Variants in HNRNPM observed in about 807,000 individuals in gnomAD.
HNRNPM encodes CEA receptor.
HNRNPM carries 11 observed loss-of-function variants against 73.1 expected under a neutral mutation model. That is an observed-to-expected ratio of 0.15 (90% CI 0.09 to 0.25). The LOEUF (loss-of-function observed/expected upper bound fraction) is 0.25. Among genes scored for constraint, HNRNPM ranks in the 10% least tolerant of loss-of-function variants. The pLI is 1.00. For missense variants in HNRNPM, 789 were observed against 1,067.9 expected (o/e 0.74, Z 3.64); for synonymous variants, 407 against 355.2 (o/e 1.15, Z -1.64).
chr19:8,481,683 C>A (rs1330732039), intron 12 of HNRNPM: 1 of 152,132 alleles, frequency 6.6e-6, no homozygotes, highest in Non-Finnish European at 1.5e-5. Context: ...TTACTAGAGA[C>A]AGAAACTTAA....
rs748036403 is a variant in HNRNPM, at chr19:8,474,260, T to G, written c.1120+16T>G. On this transcript the variant is annotated intron_variant, in intron 12 of 15. Transcript: ENST00000325495. ...AGGATAAATGGTAAGCATCGTGTTT[T>G]CTTCCTGCTTTCACTCACCCTTTGC... The G allele has an allele frequency of 6.4e-7, 1 of 1,556,732 alleles. No individual in the cohort carries two copies.
At chr19:8,479,982 C>T (rs1431575210) in intron 12 of HNRNPM, among the ~76,000 whole-genome samples, 1 of 145,582 alleles carries the variant, frequency 6.9e-6, no homozygotes, top group Non-Finnish European at 1.5e-5. Flanking sequence ...ACCATCTTGG[C>T]CAGGCTGGTC....
chr19:8,446,565 C>T (rs1406932934), intron 1 of HNRNPM, among the ~76,000 whole-genome samples: 2 of 152,130 alleles, frequency 1.3e-5, no homozygotes, highest in African/African-American at 4.8e-5. Context: ...GCGGCACCAC[C>T]ATGCCCGGCT....
At chr19:8,485,120 C>A (rs1971183024) in intron 13 of HNRNPM, among the ~76,000 whole-genome samples, 1 of 151,868 alleles carries the variant, frequency 6.6e-6, no homozygotes, top group Non-Finnish European at 1.5e-5. Flanking sequence ...AGAGTGGCCC[C>A]CAGCAGAGCA....
At chr19:8,452,714 T>TTTC (rs1380404838) in intron 1 of HNRNPM, among the ~76,000 whole-genome samples, 2 of 152,336 alleles carry the variant, frequency 1.3e-5, no homozygotes, top group Middle Eastern at 3.4e-3. Context: ...AGGAAGCTGC[T>TTTC]TTCCTTGGTT....
chr19:8,460,023 G>A (rs1173988146), intron 2 of HNRNPM, among the ~76,000 whole-genome samples: 13 of 152,068 alleles, frequency 8.5e-5, no homozygotes, highest in East Asian at 1.9e-4. Flanking sequence ...AGGAGCAACC[G>A]TATTTTTTAT....
chr19:8,486,997 C>G, intron 14 of HNRNPM, 27 bp from the exon 15 acceptor site: 2 of 1,599,504 alleles, frequency 1.3e-6, no homozygotes, highest in Non-Finnish European at 1.7e-6. Context: ...AATCACGCAT[C>G]AGTCTCCCTT....
rs375237385 is a variant in HNRNPM at position 8,483,592 on chromosome 19, CTG to C, written c.1174+382_1174+383del. On this transcript the variant is annotated intron_variant, in intron 13 of 15. Coordinates refer to ENST00000325495, the MANE Select transcript of HNRNPM (RefSeq NM_005968.5). ...ATTTTCCTTAGACTTGATGATAAGA[CTG>C]AAAGCACACCACCCAACAAGTAATA... Among the ~76,000 whole-genome samples the C allele has an allele frequency of 4.2e-4, 64 of 152,256 alleles. 1 individual carries two copies. The East Asian group carries it at 0.011, about 27-fold the overall frequency.
intron 12 of HNRNPM, among the ~76,000 whole-genome samples, chr19:8,476,303 C>T (rs990658158): frequency 6.6e-6 from 1 of 152,132 alleles, no homozygotes; most frequent in African/African-American, 2.4e-5. Flanking sequence ...CCCTTGGGCA[C>T]TGCAAGGAAA....
intron 2 of HNRNPM, among the ~76,000 whole-genome samples, chr19:8,458,107 A>G (rs1239519800): frequency 1.3e-5 from 2 of 151,984 alleles, no homozygotes; most frequent in Non-Finnish European, 2.9e-5. Flanking sequence ...TGAGAGGCCC[A>G]AGAGGGGAGC....
chr19:8,487,278 C>T (rs1971381298), intron 15 of HNRNPM: 3 of 606,538 alleles, frequency 4.9e-6, no homozygotes, highest in Non-Finnish European at 9.0e-6. Flanking sequence ...CTCATTTCAT[C>T]CTTACTTCCT....
chr19:8,455,911 C>A (rs1968982297), intron 2 of HNRNPM, among the ~76,000 whole-genome samples: 1 of 147,882 alleles, frequency 6.8e-6, no homozygotes, highest in African/African-American at 2.5e-5. Context: ...TTGAATTTTG[C>A]ACGTTAGGTG....
intron 9 of HNRNPM, among the ~76,000 whole-genome samples, chr19:8,470,152 C>T (rs1368404596): frequency 6.6e-6 from 1 of 152,222 alleles, no homozygotes; most frequent in Non-Finnish European, 1.5e-5. Context: ...CCGGCCATTT[C>T]GGAGGCTTGA....
chr19:8,488,894 T>C lies in HNRNPM; in HGVS notation c.*40T>C. 6.6e-7 allele frequency: 1 copy of C among 1,522,414 alleles called. No homozygotes were observed. The highest frequency in any genetic ancestry group is 8.9e-7 in the Non-Finnish European group (1 of 1,118,832). The allele number at this position is 1,522,414 out of a possible 1,614,324, so 94.3% of individuals were successfully genotyped here. A position where few individuals can be genotyped will look rare whatever the true frequency, so the allele number is the denominator to read the frequency against. On this transcript the variant is annotated 3_prime_UTR_variant, in exon 16 of 16. Transcript: ENST00000325495. The stretch of plus-strand genomic sequence containing the variant: ...TAAACATCGATACGAGACCTCTGAA[T>C]TTGTATTTTTTCTTGTTAACCATTT...
intron 1 of HNRNPM, among the ~76,000 whole-genome samples, chr19:8,452,883 C>T (rs1968728048): frequency 6.6e-6 from 1 of 152,138 alleles, no homozygotes; most frequent in African/African-American, 2.4e-5. Flanking sequence ...CTTTGTCAAC[C>T]AGGCTGGAGT....
chr19:8,480,983 C>T (rs926601231), intron 12 of HNRNPM, among the ~76,000 whole-genome samples: 1 of 152,130 alleles, frequency 6.6e-6, no homozygotes, highest in African/African-American at 2.4e-5. Context: ...AAGGTGATCT[C>T]GTCAGGTTCT....
intron 1 of HNRNPM, 79 bp from the exon 2 acceptor site, chr19:8,455,326 C>A (rs992543807): frequency 7.9e-7 from 1 of 1,261,570 alleles, no homozygotes; most frequent in Admixed American, 2.2e-5. Context: ...AATTGTAAAC[C>A]TGGCAAATCA....
chr19:8,465,131 TC>T (rs1274062939), intron 5 of HNRNPM, among the ~76,000 whole-genome samples, 192 bp from the exon 6 acceptor site: 2 of 152,220 alleles, frequency 1.3e-5, no homozygotes, highest in Admixed American at 1.3e-4. Context: ...TGCCTTTTCT[TC>T]CTTTCCTATT....
At chr19:8,477,790 C>T (rs76115160) in intron 12 of HNRNPM, among the ~76,000 whole-genome samples, 1,681 of 152,100 alleles carry the variant, frequency 0.011, 34 homozygotes, top group African/African-American at 0.038. Flanking sequence ...TGCAGACATA[C>T]GTCTCGCCAT....
Sources: gnomAD v4.1 joint callset for allele counts (sites outside exome capture counted in the v4.1 genomes callset) on GRCh38, gnomAD v4.1.1 for gene constraint, MANE v1.5 for transcripts, NCBI Gene and HGNC (gene_info 2026-07-23, HGNC 2026-07-21) for gene names.